The following SEC16B variants were observed in gnomAD, a reference collection of about 807,000 sequenced individuals.
SEC16B encodes the protein protein transport protein Sec16B.
In SEC16B, 115 loss-of-function variants were observed where a neutral mutation model predicts 141.8. That is an observed-to-expected ratio of 0.81 (90% CI 0.70 to 0.95). The LOEUF (loss-of-function observed/expected upper bound fraction) is 0.95. Ranked by LOEUF, SEC16B falls within the 40% of genes least tolerant of loss-of-function variation. The pLI is 0.00. For missense variants in SEC16B, 1,291 were observed against 1,312.3 expected (o/e 0.98, Z 0.25); for synonymous variants, 493 against 492.5 (o/e 1.00, Z -0.01).
rs1261359355 is a variant in SEC16B at position 177,978,718 on chromosome 1, A to AATAAATAT, written c.-59+5487_-59+5488insATATTTAT. On this transcript the variant is annotated intron_variant and NMD_transcript_variant, in intron 1 of 24. Transcript: ENST00000528461. ...CCTGTCTCAAATAAATAAATAAATA[A>AATAAATAT]ATAAATAAATAAATAAATAAATAAA... Among the ~76,000 whole-genome samples, 40 of 143,428 alleles carry AATAAATAT rather than the reference A, an allele frequency of 2.8e-4. 1 individual carries two copies. The highest frequency in any genetic ancestry group is 7.0e-3 in the Middle Eastern group (2 of 284). The allele number at this position is 143,428 out of a possible 152,430, so 94.1% of individuals were successfully genotyped here. A position where few individuals can be genotyped will look rare whatever the true frequency, so the allele number is the denominator to read the frequency against.
chr1:177,972,538 C>T (rs1441789631), upstream of SEC16B, among the ~76,000 whole-genome samples: 1 of 152,182 alleles, frequency 6.6e-6, no homozygotes, highest in African/African-American at 2.4e-5. Context: ...ACAGTCTTCA[C>T]ATCATCCTGC....
intron 1 of SEC16B, among the ~76,000 whole-genome samples, chr1:177,979,257 G>A (rs1654303841): frequency 6.6e-6 from 1 of 152,200 alleles, no homozygotes; most frequent in East Asian, 1.9e-4. Context: ...CATTCAACCT[G>A]ATGATAGATA....
intron 10 of SEC16B, among the ~76,000 whole-genome samples, chr1:177,957,278 G>T (rs1052690206): frequency 5.9e-5 from 9 of 152,058 alleles, no homozygotes; most frequent in African/African-American, 2.2e-4. Flanking sequence ...TTCAATAATA[G>T]TAGAATAGAT....
intron 12 of SEC16B, among the ~76,000 whole-genome samples, chr1:177,951,450 T>C (rs1347708137): frequency 6.6e-6 from 1 of 152,216 alleles, no homozygotes; most frequent in Admixed American, 6.5e-5. Flanking sequence ...AAATCGAGTA[T>C]GTCCAGCTTT....
At chr1:177,962,924 T>C (rs1267973027) in intron 5 of SEC16B, among the ~76,000 whole-genome samples, 1 of 151,288 alleles carries the variant, frequency 6.6e-6, no homozygotes, top group Admixed American at 6.6e-5. Flanking sequence ...CTGGCCAACA[T>C]GGTGAAACCC....
intron 1 of SEC16B, among the ~76,000 whole-genome samples, chr1:177,980,792 G>GA (rs566467450): frequency 3.3e-4 from 49 of 147,238 alleles, no homozygotes; most frequent in Middle Eastern, 3.5e-3. Flanking sequence ...AGAAAAGAAA[G>GA]AAAAAAAAAA....
chr1:177,954,232 G>A, intron 11 of SEC16B, 47 bp downstream of exon 11: 1 of 1,391,466 alleles, frequency 7.2e-7, no homozygotes, highest in Non-Finnish European at 1.0e-6. Flanking sequence ...CCTTTGGTGA[G>A]GAGGCCTCTC....
At chr1:177,978,184 C>T (rs1654253147) in intron 1 of SEC16B, among the ~76,000 whole-genome samples, 1 of 152,190 alleles carries the variant, frequency 6.6e-6, no homozygotes, top group Non-Finnish European at 1.5e-5. Flanking sequence ...GTTATTTAAC[C>T]TCTCAGGCTA....
intron 1 of SEC16B, among the ~76,000 whole-genome samples, chr1:177,980,913 C>T (rs1354561584): frequency 2.0e-5 from 3 of 151,958 alleles, no homozygotes; most frequent in East Asian, 1.9e-4. Context: ...GGCTAAGAGG[C>T]GAAGGAAGAC....
rs1650589509 is a variant in SEC16B at position 177,933,313 on chromosome 1, C to G, written c.2725-1G>C. On this transcript the variant is annotated splice_acceptor_variant, in intron 21 of 25. Coordinates refer to ENST00000308284, the MANE Select transcript of SEC16B (RefSeq NM_033127.4). LOFTEE classifies it high-confidence loss of function. ...AGCTGAACCAGCCAAACCCTGAGCT[C>G]TGGAAGGGGAAGAGGACATTTTATG... 7 of 1,597,308 alleles carry G rather than the reference C, an allele frequency of 4.4e-6. No homozygotes were observed. The highest frequency in any genetic ancestry group is 5.1e-6 in the Non-Finnish European group (6 of 1,171,620).
At chr1:177,947,754 A>T in intron 13 of SEC16B, 71 bp downstream of exon 13, 1 of 393,980 alleles carries the variant, frequency 2.5e-6, no homozygotes, top group Non-Finnish European at 4.5e-6. Context: ...GGAGGTGAGG[A>T]AAGGGACAGG....
Position 177,932,811 on chromosome 1 carries a change from T to C in SEC16B, c.2824-5A>G. 2 of 1,607,014 alleles carry C rather than the reference T, an allele frequency of 1.2e-6. No individual in the cohort carries two copies. The highest frequency in any genetic ancestry group is 1.7e-6 in the Non-Finnish European group (2 of 1,176,960). ...AGAAGATGCTCTGGGGGTCTCCTGCTTTGTGGAGAAAGAAAGGCAGCATTG... is the reference window on the plus strand; with the variant it reads ...AGAAGATGCTCTGGGGGTCTCCTGCCTTGTGGAGAAAGAAAGGCAGCATTG... On this transcript the variant is annotated splice_region_variant and splice_polypyrimidine_tract_variant and intron_variant, in intron 22 of 25. Coordinates refer to ENST00000308284, the MANE Select transcript of SEC16B (RefSeq NM_033127.4).
intron 12 of SEC16B, among the ~76,000 whole-genome samples, chr1:177,950,437 C>T (rs1571327563): frequency 6.6e-6 from 1 of 152,080 alleles, no homozygotes; most frequent in African/African-American, 2.4e-5. Context: ...CTGCACAAAC[C>T]TAATATAAAT....
chr1:177,968,059 G>GA lies in SEC16B; in HGVS notation c.-58-21dup. On this transcript the variant is annotated intron_variant, in intron 1 of 25. Coordinates refer to ENST00000308284, the MANE Select transcript of SEC16B (RefSeq NM_033127.4). ...ATCTTCCTGCAGACAAAAGAAAAAG[G>GA]AAAAAATCATCACTTGAAGCCTATA... 3 of 1,395,906 alleles carry GA rather than the reference G, an allele frequency of 2.1e-6. No individual in the cohort carries two copies. The highest frequency in any genetic ancestry group is 2.9e-6 in the Non-Finnish European group (3 of 1,045,618). 86.5% of individuals were successfully genotyped at this position (1,395,906 alleles called of 1,614,324 possible). A position where few individuals can be genotyped will look rare whatever the true frequency, so the allele number is the denominator to read the frequency against.
upstream of SEC16B, among the ~76,000 whole-genome samples, chr1:177,974,170 G>A (rs1654076032): frequency 6.6e-6 from 1 of 152,050 alleles, no homozygotes; most frequent in Non-Finnish European, 1.5e-5. Context: ...AGCCAGTTTG[G>A]TGGGGAAGAT....
intron 15 of SEC16B, 133 bp downstream of exon 15, chr1:177,944,428 C>T (rs539861162): frequency 3.2e-5 from 22 of 695,248 alleles, no homozygotes; most frequent in East Asian, 2.0e-4. Flanking sequence ...CACCCTCCCA[C>T]GCTTAAGCTA....
At position 177,933,631 on chromosome 1, in the gene SEC16B, TG is replaced by T; in HGVS notation, c.2576del (p.Pro859HisfsTer100). 1 of 1,613,876 alleles carries T rather than the reference TG, an allele frequency of 6.2e-7. No homozygotes were observed. The highest frequency in any genetic ancestry group is 8.5e-7 in the Non-Finnish European group (1 of 1,179,790). On this transcript the variant is annotated frameshift_variant, in exon 21 of 26. Coordinates refer to ENST00000308284, the MANE Select transcript of SEC16B (RefSeq NM_033127.4). LOFTEE classifies it high-confidence loss of function. ...GQEVISKPQT[P>X]LAARPRSISE... ...AAATACTTCGTGGTCTAGCAGCCAA[TG>T]GTGTCTGGAATTAAAGAAATAACTC...
At chr1:177,937,586 A>G in intron 18 of SEC16B, 73 bp from the exon 19 acceptor site, 3 of 1,262,458 alleles carry the variant, frequency 2.4e-6, no homozygotes, top group East Asian at 2.6e-5. Context: ...CACCAGAAAC[A>G]TTCCTGCTTA....
intron 1 of SEC16B, among the ~76,000 whole-genome samples, chr1:177,980,771 G>A (rs78069664): frequency 2.4e-3 from 180 of 75,036 alleles, no homozygotes; most frequent in South Asian, 8.3e-3. Context: ...AAAAAAAAAA[G>A]AAAGAAAGAA....
Sources: allele counts gnomAD v4.1 joint callset (sites outside exome capture counted in the v4.1 genomes callset), GRCh38; gene constraint gnomAD v4.1.1; transcripts MANE v1.5; gene names NCBI Gene and HGNC (gene_info 2026-07-23, HGNC 2026-07-21).